The following PDIA3 variants were observed in gnomAD, a reference collection of about 807,000 sequenced individuals.
PDIA3 encodes the protein protein disulfide isomerase family A member 3.
In PDIA3, 16 loss-of-function variants were observed where a neutral mutation model predicts 56.9. The ratio of observed to expected loss-of-function variants is 0.28; its 90% CI spans 0.19 to 0.43. The LOEUF is 0.43. Among genes scored for constraint, PDIA3 ranks in the 20% least tolerant of loss-of-function variants. The pLI is 1.00. For missense variants in PDIA3, 485 were observed against 621.3 expected (o/e 0.78, Z 2.33); for synonymous variants, 192 against 216.5 (o/e 0.89, Z 0.99).
At chr15:43,762,006 G>A (rs1311154123) in intron 4 of PDIA3, among the ~76,000 whole-genome samples, 1 of 151,980 alleles carries the variant, frequency 6.6e-6, no homozygotes, top group East Asian at 1.9e-4. Context: ...AAATCAGATC[G>A]CTAGGATTTA....
intron 5 of PDIA3, 28 bp downstream of exon 5, chr15:43,763,234 C>T (rs763183688): frequency 1.2e-6 from 2 of 1,608,650 alleles, no homozygotes; most frequent in Middle Eastern, 1.7e-4. Context: ...ATCTCCTGAC[C>T]AAGTATTATT....
intron 2 of PDIA3, among the ~76,000 whole-genome samples, chr15:43,754,154 G>T (rs2086761964): frequency 6.6e-6 from 1 of 152,156 alleles, no homozygotes; most frequent in African/African-American, 2.4e-5. Context: ...CCAGCACTTT[G>T]GGAGGCCGAG....
At chr15:43,756,584 G>A in intron 2 of PDIA3, 65 bp from the exon 3 acceptor site, 5 of 907,604 alleles carry the variant, frequency 5.5e-6, no homozygotes, top group Non-Finnish European at 9.2e-6. Flanking sequence ...AGTATTTTGA[G>A]AATATAGGAA....
At chr15:43,757,613 C>G (rs1243112397) in intron 3 of PDIA3, among the ~76,000 whole-genome samples, 3 of 150,142 alleles carry the variant, frequency 2.0e-5, no homozygotes, top group Non-Finnish European at 4.4e-5. Context: ...ATAATCCCAG[C>G]ACTTTGGGAG....
Position 43,772,158 on chromosome 15 carries a change from A to G in PDIA3, c.*940A>G, listed in dbSNP as rs1441801931. 2 of 152,378 alleles carry G rather than the reference A, an allele frequency of 1.3e-5. No individual in the cohort carries two copies. The highest frequency in any genetic ancestry group is 1.3e-4 in the Admixed American group (2 of 15,282). The allele number at this position is 152,378 out of a possible 1,614,324, so 9.4% of individuals were successfully genotyped here. ...GAGTGAAGCATCCACTTTCTTTTGT[A>G]ACAATGAGGAACAGAAAGGATAAGA... On this transcript the variant is annotated 3_prime_UTR_variant, in exon 13 of 13. Coordinates refer to ENST00000300289, the MANE Select transcript of PDIA3 (RefSeq NM_005313.5).
chr15:43,760,210 G>C (rs2086805376), intron 3 of PDIA3, among the ~76,000 whole-genome samples: 1 of 152,054 alleles, frequency 6.6e-6, no homozygotes, highest in Admixed American at 6.6e-5. Context: ...GGGCAACATA[G>C]TGAGACCCCG....
intron 3 of PDIA3, among the ~76,000 whole-genome samples, chr15:43,760,826 C>A (rs1306027377): frequency 3.3e-5 from 5 of 150,640 alleles, no homozygotes; most frequent in Non-Finnish European, 5.9e-5. Flanking sequence ...CCACAGCACC[C>A]GGCCAAAAAA....
chr15:43,768,412 C>T (rs1194238536), intron 8 of PDIA3, 77 bp from the exon 9 acceptor site: 1 of 1,055,862 alleles, frequency 9.5e-7, no homozygotes, highest in Non-Finnish European at 1.5e-6. Flanking sequence ...TACATAGTAA[C>T]TATTCAAAGA....
intron 1 of PDIA3, 55 bp downstream of exon 1, chr15:43,746,761 G>A (rs2086708888): frequency 1.9e-6 from 3 of 1,588,408 alleles, no homozygotes; most frequent in Admixed American, 1.7e-5. Context: ...CCGGGGGCGA[G>A]AGCGCGGGGA....
chr15:43,772,875 C>T lies in PDIA3; in HGVS notation c.*1657C>T. ...CTTGGCTGAACTAAAGGTAAAAAAG[C>T]CAAGCCTCTGTCACTTTTCCTAGAC... On this transcript the variant is annotated 3_prime_UTR_variant, in exon 13 of 13. Transcript: ENST00000300289. 1 of 356,554 alleles carries T rather than the reference C, an allele frequency of 2.8e-6. No individual in the cohort carries two copies. The highest frequency in any genetic ancestry group is 7.5e-4 in the Middle Eastern group (1 of 1,336). 22.1% of individuals were successfully genotyped at this position (356,554 alleles called of 1,614,324 possible). A position where few individuals can be genotyped will look rare whatever the true frequency, so the allele number is the denominator to read the frequency against.
chr15:43,769,663 T>A lies in PDIA3; in HGVS notation c.1266+17T>A. ...GGCGAGAAGGTAAGTGTGAACCCTATTCTGAGGATAACATTTGAGCGGGAG... is the reference window on the plus strand; with the variant it reads ...GGCGAGAAGGTAAGTGTGAACCCTAATCTGAGGATAACATTTGAGCGGGAG... On this transcript the variant is annotated intron_variant, in intron 10 of 12. Coordinates refer to ENST00000300289, the MANE Select transcript of PDIA3 (RefSeq NM_005313.5). 6.2e-7 allele frequency: 1 copy of A among 1,611,474 alleles called. No homozygotes were observed. Among genetic ancestry groups the A allele is most frequent in the South Asian group, 1.1e-5 (1 of 90,628 alleles).
chr15:43,755,372 T>A (rs10163069), intron 2 of PDIA3, among the ~76,000 whole-genome samples: 1 of 152,066 alleles, frequency 6.6e-6, no homozygotes, highest in East Asian at 1.9e-4. Context: ...CCTAAACTGC[T>A]ATGTGATAAT....
At position 43,773,085 on chromosome 15, in the gene PDIA3, A is replaced by T; in HGVS notation, c.*1867A>T. 1 of 1,563,028 alleles carries T rather than the reference A, an allele frequency of 6.4e-7. No homozygotes were observed. Among genetic ancestry groups the T allele is most frequent in the African/African-American group, 1.4e-5 (1 of 72,586 alleles). On this transcript the variant is annotated 3_prime_UTR_variant, in exon 13 of 13. Coordinates refer to ENST00000300289, the MANE Select transcript of PDIA3 (RefSeq NM_005313.5). ...CTGCTTTGTTCCTTTGTGTTTCACTAAGCAGAGGCTCAAAAATTCCCTTGA... is the reference window on the plus strand; with the variant it reads ...CTGCTTTGTTCCTTTGTGTTTCACTTAGCAGAGGCTCAAAAATTCCCTTGA...
rs753810895 is a variant in PDIA3, at chr15:43,763,102, G to T, written c.498G>T (p.Glu166Asp). Reference protein sequence around the residue: ...IVGFFDDSFSEAHSEFLKAAS... With the variant: ...IVGFFDDSFSDAHSEFLKAAS... ...GTTTTTTCGATGATTCATTCAGTGA[G>T]GCTCACTCCGAGTTCCTAAAAGCAG... The change falls in exon 5 of 13, where the codon GAG (glutamate) becomes GAT (aspartate). Residue 166 changes from glutamate to aspartate, a missense_variant. Glu to Asp is a conservative substitution (Grantham distance 45). Coordinates refer to ENST00000300289, the MANE Select transcript of PDIA3 (RefSeq NM_005313.5). 6.2e-7 allele frequency: 1 copy of T among 1,614,098 alleles called. No homozygotes were observed. The highest frequency in any genetic ancestry group is 1.7e-5 in the Admixed American group (1 of 60,014).
chr15:43,765,402 A>G, intron 5 of PDIA3, 48 bp from the exon 6 acceptor site: 1 of 1,015,388 alleles, frequency 9.8e-7, no homozygotes, highest in Non-Finnish European at 1.5e-6. Flanking sequence ...GATGGGAGAC[A>G]GTTCTTCTGC....
At chr15:43,766,156 A>G (rs2086846699) in intron 7 of PDIA3, 144 bp downstream of exon 7, 1 of 623,784 alleles carries the variant, frequency 1.6e-6, no homozygotes, top group African/African-American at 1.9e-5. Flanking sequence ...AAAAAAAATT[A>G]AAGTAACTAT....
At chr15:43,770,778 G>A (rs2086876945) in intron 12 of PDIA3, among the ~76,000 whole-genome samples, 198 bp downstream of exon 12, 1 of 152,110 alleles carries the variant, frequency 6.6e-6, no homozygotes, top group Non-Finnish European at 1.5e-5. Context: ...AGCCTCCCGA[G>A]TAGCTGGGAT....
chr15:43,756,184 G>A (rs571608718), intron 2 of PDIA3, among the ~76,000 whole-genome samples: 10 of 152,250 alleles, frequency 6.6e-5, no homozygotes, highest in East Asian at 1.9e-4. Context: ...TTCAGGGTAC[G>A]TGTACAGGTG....
intron 9 of PDIA3, among the ~76,000 whole-genome samples, chr15:43,768,989 A>G (rs1259864979): frequency 6.6e-6 from 1 of 150,748 alleles, no homozygotes; most frequent in Admixed American, 6.7e-5. Flanking sequence ...ATGCCACTGC[A>G]CTCCAGCCTG....
Sources: allele counts gnomAD v4.1 joint callset (sites outside exome capture counted in the v4.1 genomes callset), GRCh38; gene constraint gnomAD v4.1.1; transcripts MANE v1.5; gene names NCBI Gene and HGNC (gene_info 2026-07-23, HGNC 2026-07-21).